EPHA3: variants seen among roughly 807,000 people sequenced by gnomAD.
The protein encoded by EPHA3 is EPH receptor A3, also known as ephrin type-A receptor 3.
In EPHA3, 42 loss-of-function variants were observed where a neutral mutation model predicts 107.1. The ratio of observed to expected loss-of-function variants is 0.39; its 90% CI spans 0.31 to 0.51. EPHA3 has a LOEUF of 0.51. EPHA3 is among the 20% of genes least tolerant of loss of function. The pLI, the probability that EPHA3 is intolerant of heterozygous loss-of-function variation, is 0.78. For synonymous variants in EPHA3, 461 were observed against 424.8 expected, an observed-to-expected ratio of 1.09 and a Z score of -1.05; for missense variants, 1,183 against 1,211.2, an observed-to-expected ratio of 0.98 and a Z score of 0.35.
At chr3:89,370,199 CATGCACACCT>C (rs1708270005) in intron 5 of EPHA3, among the ~76,000 whole-genome samples, 1 of 151,018 alleles carries the variant, frequency 6.6e-6, no homozygotes, top group Non-Finnish European at 1.5e-5. Flanking sequence ...TATAAAGACA[CATGCACACCT>C]ATGTTTATTG....
At chr3:89,224,590 T>TGTA (rs1704456258) in intron 3 of EPHA3, among the ~76,000 whole-genome samples, 1 of 152,172 alleles carries the variant, frequency 6.6e-6, no homozygotes, top group African/African-American at 2.4e-5. Flanking sequence ...GGCTCATACC[T>TGTA]GTAATCTCAG....
At chr3:89,335,446 G>A (rs1707373433) in intron 3 of EPHA3, among the ~76,000 whole-genome samples, 1 of 152,100 alleles carries the variant, frequency 6.6e-6, no homozygotes, top group Non-Finnish European at 1.5e-5. Context: ...ATATTTTAGG[G>A]AAACACAATC....
Position 89,178,297 on chromosome 3 carries a change from T to A in EPHA3, c.154-31563T>A, listed in dbSNP as rs563685117. Reference sequence around the variant, plus strand: ...TTCAAGTCATTTTTATGTTATTACATCTTCTAAATATAATTTTGATTTCCA... The same window carrying A: ...TTCAAGTCATTTTTATGTTATTACAACTTCTAAATATAATTTTGATTTCCA... On this transcript the variant is annotated intron_variant, in intron 2 of 16. Coordinates refer to ENST00000336596, the MANE Select transcript of EPHA3 (RefSeq NM_005233.6). Among the ~76,000 whole-genome samples the A allele has an allele frequency of 1.2e-4, 18 of 152,238 alleles. 1 individual carries two copies. The South Asian group carries it at 3.5e-3, about 30-fold the overall frequency.
At chr3:89,473,137 T>A (rs1038794368) in intron 16 of EPHA3, among the ~76,000 whole-genome samples, 2 of 152,218 alleles carry the variant, frequency 1.3e-5, no homozygotes, top group African/African-American at 4.8e-5. Context: ...TTGTCTACCC[T>A]GTAAAGGATA....
intron 3 of EPHA3, among the ~76,000 whole-genome samples, chr3:89,334,874 A>G (rs1707360300): frequency 6.6e-6 from 1 of 152,204 alleles, no homozygotes; most frequent in Non-Finnish European, 1.5e-5. Flanking sequence ...CCCGCTTCCT[A>G]GTCCAGTGCT....
chr3:89,171,061 A>G (rs1240182766), intron 2 of EPHA3, among the ~76,000 whole-genome samples: 1 of 151,770 alleles, frequency 6.6e-6, no homozygotes, highest in African/African-American at 2.4e-5. Flanking sequence ...ATGGGCATGC[A>G]TTTTCAGATT....
chr3:89,370,887 T>C (rs1708287239), intron 5 of EPHA3, among the ~76,000 whole-genome samples: 1 of 151,630 alleles, frequency 6.6e-6, no homozygotes, highest in Non-Finnish European at 1.5e-5. Flanking sequence ...AGACTTGAAA[T>C]AAAACAGTAC....
intron 3 of EPHA3, among the ~76,000 whole-genome samples, chr3:89,244,920 A>G (rs763282902): frequency 4.6e-5 from 7 of 152,198 alleles, no homozygotes; most frequent in Non-Finnish European, 1.0e-4. Flanking sequence ...GGCAAAGTTC[A>G]ATTGCAGTTA....
chr3:89,158,017 C>T (rs1280581354), intron 2 of EPHA3, among the ~76,000 whole-genome samples: 1 of 151,920 alleles, frequency 6.6e-6, no homozygotes, highest in Non-Finnish European at 1.5e-5. Flanking sequence ...AAGAGCCTAC[C>T]ATTGCTTGTT....
chr3:89,124,634 T>A (rs1704052264), intron 1 of EPHA3, among the ~76,000 whole-genome samples: 1 of 152,042 alleles, frequency 6.6e-6, no homozygotes, highest in African/African-American at 2.4e-5. Context: ...TTAAATAATA[T>A]TAATGTATTA....
intron 2 of EPHA3, among the ~76,000 whole-genome samples, chr3:89,181,818 G>A (rs1431282138): frequency 1.3e-5 from 2 of 151,960 alleles, no homozygotes; most frequent in Admixed American, 1.3e-4. Flanking sequence ...AAGCTGGCCT[G>A]TCAGGCATGC....
chr3:89,459,538 C>G (rs1710176852), intron 15 of EPHA3, among the ~76,000 whole-genome samples: 1 of 149,732 alleles, frequency 6.7e-6, no homozygotes, highest in Non-Finnish European at 1.5e-5. Context: ...TCCTTCCTTT[C>G]TTCCTTTCTT....
chr3:89,335,767 T>C (rs1406484337), intron 3 of EPHA3, among the ~76,000 whole-genome samples: 1 of 152,216 alleles, frequency 6.6e-6, no homozygotes, highest in Non-Finnish European at 1.5e-5. Flanking sequence ...GGCAATTTGC[T>C]TCCACTTGAA....
chr3:89,307,324 T>A (rs927407463), intron 3 of EPHA3, among the ~76,000 whole-genome samples: 34 of 152,278 alleles, frequency 2.2e-4, no homozygotes, highest in African/African-American at 7.7e-4. Flanking sequence ...CTAAAAGGAT[T>A]GAGTTGCTAA....
chr3:89,307,335 A>G (rs1241729068), intron 3 of EPHA3, among the ~76,000 whole-genome samples: 2 of 152,176 alleles, frequency 1.3e-5, no homozygotes, highest in Non-Finnish European at 2.9e-5. Flanking sequence ...GAGTTGCTAA[A>G]CCTAATAAGG....
intron 5 of EPHA3, among the ~76,000 whole-genome samples, chr3:89,393,241 T>C (rs1057120824): frequency 1.3e-5 from 2 of 152,168 alleles, no homozygotes; most frequent in African/African-American, 4.8e-5. Context: ...CTTAAGTAAG[T>C]GTGGAATTAC....
intron 3 of EPHA3, among the ~76,000 whole-genome samples, chr3:89,228,239 T>TA (rs1704544637): frequency 6.6e-6 from 1 of 151,898 alleles, no homozygotes; most frequent in Non-Finnish European, 1.5e-5. Flanking sequence ...AGAGTGTGTA[T>TA]AATTGGCAAT....
At chr3:89,136,716 A>G (rs1043795169) in intron 2 of EPHA3, among the ~76,000 whole-genome samples, 2 of 151,900 alleles carry the variant, frequency 1.3e-5, no homozygotes, top group Non-Finnish European at 2.9e-5. Context: ...TTACTCATGA[A>G]TTCATTTGTG....
At chr3:89,151,224 AT>A (rs1430175862) in intron 2 of EPHA3, among the ~76,000 whole-genome samples, 1 of 152,098 alleles carries the variant, frequency 6.6e-6, no homozygotes, top group Non-Finnish European at 1.5e-5. Context: ...CAAATCCATT[AT>A]CTTTACTAGA....
Sources: gnomAD v4.1 joint callset for allele counts (sites outside exome capture counted in the v4.1 genomes callset) on GRCh38, gnomAD v4.1.1 for gene constraint, MANE v1.5 for transcripts, NCBI Gene and HGNC (gene_info 2026-07-23, HGNC 2026-07-21) for gene names.